The following ZFAND1 variants were observed in gnomAD, a reference collection of about 807,000 sequenced individuals.
ZFAND1 encodes the protein AN1-type zinc finger protein 1.
A neutral mutation model predicts 38.5 loss-of-function variants in ZFAND1; 40 were observed. The ratio of observed to expected loss-of-function variants is 1.04; its 90% CI spans 0.81 to 1.35. The LOEUF is 1.35. ZFAND1 is among the 40% of genes most tolerant of loss of function. ZFAND1 has a pLI of 0.00. For missense variants in ZFAND1, 346 were observed against 316.3 expected (o/e 1.09, Z -0.71); for synonymous variants, 117 against 103.6 (o/e 1.13, Z -0.78).
intron 5 of ZFAND1, 56 bp downstream of exon 5, chr8:81,714,748 A>T (rs1322046162): frequency 2.7e-6 from 4 of 1,489,294 alleles, no homozygotes; most frequent in Non-Finnish European, 3.7e-6. Flanking sequence ...AGTAGATATA[A>T]GAAGCAGGAG....
chr8:81,710,918 C>A (rs1349203711), intron 6 of ZFAND1, among the ~76,000 whole-genome samples: 1 of 152,108 alleles, frequency 6.6e-6, no homozygotes, highest in Non-Finnish European at 1.5e-5. Flanking sequence ...AAATTAAGTA[C>A]ACACATATAC....
chr8:81,704,538 C>CAAAAAAAA, intron 6 of ZFAND1, among the ~76,000 whole-genome samples: 1 of 105,336 alleles, frequency 9.5e-6, no homozygotes. Context: ...GACCCTATTT[C>CAAAAAAAA]AAAAAAAAAA....
At chr8:81,708,214 C>T (rs1263040390) in intron 6 of ZFAND1, among the ~76,000 whole-genome samples, 11 of 143,978 alleles carry the variant, frequency 7.6e-5, no homozygotes, top group Non-Finnish European at 1.0e-4. Context: ...CGCACCATTG[C>T]GCTCCAGACT....
At chr8:81,714,937 T>C (rs776448244) in intron 4 of ZFAND1, 42 bp from the exon 5 acceptor site, 12 of 1,614,046 alleles carry the variant, frequency 7.4e-6, no homozygotes, top group Non-Finnish European at 9.3e-6. Context: ...TGTGTTTGTA[T>C]AGCACTTAAA....
chr8:81,716,511 GTTGTC>G (rs1422036551), intron 3 of ZFAND1, among the ~76,000 whole-genome samples: 4 of 152,130 alleles, frequency 2.6e-5, no homozygotes, highest in African/African-American at 9.7e-5. Flanking sequence ...TTTCTTCCTG[GTTGTC>G]TTAAGTCGAC....
At chr8:81,704,199 A>G (rs1025756679) in intron 6 of ZFAND1, among the ~76,000 whole-genome samples, 13 of 152,112 alleles carry the variant, frequency 8.5e-5, no homozygotes, top group Admixed American at 2.0e-4. Flanking sequence ...CTAGTATTCT[A>G]TATCTTATCT....
In ZFAND1 at chr8:81,702,706, A is replaced by G; in HGVS notation, c.796T>C (p.Tyr266His). 6.5e-7 allele frequency: 1 copy of G among 1,537,412 alleles called. No individual in the cohort carries two copies. The highest frequency in any genetic ancestry group is 8.7e-7 in the Non-Finnish European group (1 of 1,144,820). ...EEQFCKNVES[Y>H]LE ...GAATCTTTGAATGACTATTCCAAGT[A>G]AGATTCAACATTTTTACAGAATTGT... The change falls in exon 8 of 8, where the codon TAC becomes CAC. Residue 266 changes from tyrosine to histidine, a missense_variant. Transcript: ENST00000220669.
chr8:81,706,654 AAAT>A (rs1807993214), intron 6 of ZFAND1, among the ~76,000 whole-genome samples: 1 of 152,036 alleles, frequency 6.6e-6, no homozygotes, highest in African/African-American at 2.4e-5. Flanking sequence ...ATGAAAAATG[AAAT>A]AATGAGTATA....
Position 81,701,733 on chromosome 8 carries a change from A to T in ZFAND1, c.*962T>A, listed in dbSNP as rs962492857. 1.1e-4 allele frequency: 16 copies of T among 152,220 alleles called. No homozygotes were observed. Among genetic ancestry groups the T allele is most frequent in the African/African-American group, 3.9e-4 (16 of 41,464 alleles). 9.4% of individuals were successfully genotyped at this position (152,220 alleles called of 1,614,324 possible). A position where few individuals can be genotyped will look rare whatever the true frequency, so the allele number is the denominator to read the frequency against. ...GGAAATAAACCAAATGAGCATTCCAAATTTATTCCTTTTAAGTAAACCTAT... is the reference window on the plus strand; with the variant it reads ...GGAAATAAACCAAATGAGCATTCCATATTTATTCCTTTTAAGTAAACCTAT... On this transcript the variant is annotated 3_prime_UTR_variant, in exon 8 of 8. Transcript: ENST00000220669.
chr8:81,707,486 T>G (rs956168323), intron 6 of ZFAND1, among the ~76,000 whole-genome samples: 1 of 152,228 alleles, frequency 6.6e-6, no homozygotes, highest in Non-Finnish European at 1.5e-5. Flanking sequence ...GTCCAACTTC[T>G]TTAACAGGCT....
At position 81,702,061 on chromosome 8, in the gene ZFAND1, T is replaced by A. The variant is rs1489055081; in HGVS notation, c.*634A>T. On this transcript the variant is annotated 3_prime_UTR_variant, in exon 8 of 8. Coordinates refer to ENST00000220669, the MANE Select transcript of ZFAND1 (RefSeq NM_024699.3). ...AATATGCCCCAATCTAGTTAGGTAA[T>A]AGAAAGAAAATCATTTTCTCCTCCT... The A allele has an allele frequency of 2.6e-5, 4 of 152,222 alleles. No homozygotes were observed. The highest frequency in any genetic ancestry group is 9.6e-5 in the African/African-American group (4 of 41,466). The allele number at this position is 152,222 out of a possible 1,614,324, so 9.4% of individuals were successfully genotyped here.
At chr8:81,714,523 A>G (rs2130425718) in intron 5 of ZFAND1, 1 of 363,426 alleles carries the variant, frequency 2.8e-6, no homozygotes, top group Non-Finnish European at 5.1e-6. Context: ...GACTACTTCA[A>G]TCTCATGAAT....
chr8:81,706,397 A>AAAAAAAAAG (rs1807986312), intron 6 of ZFAND1, among the ~76,000 whole-genome samples: 1 of 142,354 alleles, frequency 7.0e-6, no homozygotes, highest in African/African-American at 2.5e-5. Context: ...AAAAAAAAGA[A>AAAAAAAAAG]GTGTTGGTAA....
intron 6 of ZFAND1, among the ~76,000 whole-genome samples, chr8:81,703,966 G>A (rs1807890771): frequency 6.6e-6 from 1 of 152,114 alleles, no homozygotes; most frequent in African/African-American, 2.4e-5. Context: ...AAAAAAGTTT[G>A]TTTTGATTTT....
intron 2 of ZFAND1, 53 bp downstream of exon 2, chr8:81,718,126 CTCA>C: frequency 7.5e-7 from 1 of 1,338,794 alleles, no homozygotes; most frequent in Non-Finnish European, 1.0e-6. Context: ...CAGAAATAAC[CTCA>C]TATTAATAAA....
In ZFAND1 at chr8:81,721,293, C is replaced by G. The variant is rs911415566; in HGVS notation, c.-12G>C. 5 of 1,547,806 alleles carry G rather than the reference C, an allele frequency of 3.2e-6. No individual in the cohort carries two copies. Among genetic ancestry groups the G allele is most frequent in the Non-Finnish European group, 3.5e-6 (4 of 1,146,910 alleles). On this transcript the variant is annotated 5_prime_UTR_variant, in exon 1 of 8. Coordinates refer to ENST00000220669, the MANE Select transcript of ZFAND1 (RefSeq NM_024699.3). ...TCCAACTCCGCCATCTCTCCGGCGC[C>G]GTAAGGGGCGGGGCAAAGCCTGAGG...
intron 2 of ZFAND1, 100 bp from the exon 3 acceptor site, chr8:81,717,388 G>T: frequency 1.3e-6 from 1 of 790,452 alleles, no homozygotes; most frequent in Non-Finnish European, 1.9e-6. Context: ...GATACATTAT[G>T]CTCATACTAC....
intron 1 of ZFAND1, among the ~76,000 whole-genome samples, chr8:81,718,474 TTTTC>T (rs1388414059): frequency 2.0e-5 from 3 of 151,908 alleles, no homozygotes; most frequent in East Asian, 1.9e-4. Flanking sequence ...GTTCTAGTGG[TTTTC>T]TTTTTCTTTT....
At chr8:81,712,545 C>T (rs1441014231) in intron 6 of ZFAND1, among the ~76,000 whole-genome samples, 1 of 151,996 alleles carries the variant, frequency 6.6e-6, no homozygotes, top group Non-Finnish European at 1.5e-5. Flanking sequence ...AGAAGGGCAA[C>T]ATAACATTAA....
Sources: gnomAD v4.1 joint callset for allele counts (sites outside exome capture counted in the v4.1 genomes callset) on GRCh38, gnomAD v4.1.1 for gene constraint, MANE v1.5 for transcripts, NCBI Gene and HGNC (gene_info 2026-07-23, HGNC 2026-07-21) for gene names.